RAP2A: variants seen among roughly 807,000 people sequenced by gnomAD.
The protein encoded by RAP2A is ras-related protein Rap-2a.
Under a neutral mutation model 15.1 loss-of-function variants are expected in RAP2A, and 5 were observed. That is an observed-to-expected ratio of 0.33 (90% CI 0.17 to 0.70). The LOEUF (loss-of-function observed/expected upper bound fraction) is 0.70, where lower values mean the gene tolerates loss of function less well. Ranked by LOEUF, RAP2A falls within the 30% of genes least tolerant of loss-of-function variation. The pLI, the probability that RAP2A is intolerant of heterozygous loss-of-function variation, is 0.68. For missense variants in RAP2A, 111 were observed against 240.3 expected, an observed-to-expected ratio of 0.46 and a Z score of 3.56; for synonymous variants, 110 against 99.7, an observed-to-expected ratio of 1.10 and a Z score of -0.62.
At chr13:97,462,081 ATT>A (rs1383644034) in intron 1 of RAP2A, among the ~76,000 whole-genome samples, 14 of 146,132 alleles carry the variant, frequency 9.6e-5, no homozygotes, top group South Asian at 6.4e-4. Flanking sequence ...TATTATATAT[ATT>A]GTATTTAAAC....
At chr13:97,442,669 C>G (rs2066662895) in intron 1 of RAP2A, among the ~76,000 whole-genome samples, 2 of 152,110 alleles carry the variant, frequency 1.3e-5, no homozygotes, top group South Asian at 4.2e-4. Context: ...CTTTTCATGA[C>G]CCACCAAATT....
chr13:97,459,455 C>T (rs1465644171), intron 1 of RAP2A, among the ~76,000 whole-genome samples: 1 of 152,198 alleles, frequency 6.6e-6, no homozygotes, highest in African/African-American at 2.4e-5. Flanking sequence ...TCTGAGGCCA[C>T]TTTTGGCACC....
intron 1 of RAP2A, among the ~76,000 whole-genome samples, chr13:97,458,555 A>G (rs2066733608): frequency 1.3e-5 from 2 of 152,176 alleles, no homozygotes; most frequent in African/African-American, 2.4e-5. Flanking sequence ...TTCAGAATCC[A>G]TCTTCAGAGC....
At chr13:97,434,903 G>C in intron 1 of RAP2A, 119 bp downstream of exon 1, 2 of 1,369,388 alleles carry the variant, frequency 1.5e-6, no homozygotes, top group Non-Finnish European at 2.0e-6. Context: ...CAAGCTGGAG[G>C]CTTTACTATT....
chr13:97,461,398 C>CAATT (rs10671555), intron 1 of RAP2A, among the ~76,000 whole-genome samples: 11,959 of 152,140 alleles, frequency 0.079, 1,073 homozygotes, highest in African/African-American at 0.22. Context: ...AGGCCACTGA[C>CAATT]AAGTTAGTGA....
At chr13:97,437,288 T>A (rs2066638163) in intron 1 of RAP2A, 2 of 152,192 alleles carry the variant, frequency 1.3e-5, no homozygotes, top group Admixed American at 1.3e-4. Flanking sequence ...ACATCTCAAT[T>A]CAAACAAGTC....
intron 1 of RAP2A, among the ~76,000 whole-genome samples, chr13:97,460,592 T>C (rs193107805): frequency 2.0e-5 from 3 of 152,292 alleles, no homozygotes; most frequent in African/African-American, 7.2e-5. Flanking sequence ...AGTCATCTAC[T>C]GTCAACACAG....
Position 97,466,018 on chromosome 13 carries a change from G to A in RAP2A, c.*1576G>A, listed in dbSNP as rs2066769525. The A allele has an allele frequency of 6.6e-6, 1 of 152,146 alleles. No individual in the cohort carries two copies. Among genetic ancestry groups the A allele is most frequent in the African/African-American group, 2.4e-5 (1 of 41,434 alleles). The allele number at this position is 152,146 out of a possible 1,614,324, so 9.4% of individuals were successfully genotyped here. ...CTGAGAGAAGAGTGTGTGTTTGTGT[G>A]TGCATGTGTGTTTATTGTTCCTAAG... On this transcript the variant is annotated 3_prime_UTR_variant, in exon 2 of 2. Coordinates refer to ENST00000245304, the MANE Select transcript of RAP2A (RefSeq NM_021033.7).
intron 1 of RAP2A, among the ~76,000 whole-genome samples, chr13:97,443,481 G>C (rs907273067): frequency 6.6e-6 from 1 of 152,108 alleles, no homozygotes; most frequent in African/African-American, 2.4e-5. Flanking sequence ...TCTAACTCCT[G>C]GGCTCAAGCA....
chr13:97,441,122 CTT>C (rs1222234164), intron 1 of RAP2A, among the ~76,000 whole-genome samples: 4 of 152,108 alleles, frequency 2.6e-5, no homozygotes, highest in Admixed American at 6.6e-5. Context: ...GATGATGTCT[CTT>C]CCTCTCTAAC....
intron 1 of RAP2A, among the ~76,000 whole-genome samples, chr13:97,445,249 C>T (rs187883505): frequency 6.6e-6 from 1 of 152,140 alleles, no homozygotes; most frequent in East Asian, 1.9e-4. Context: ...TTCTCCTTCC[C>T]TCAATGATCC....
intron 1 of RAP2A, among the ~76,000 whole-genome samples, chr13:97,443,342 G>C (rs921491411): frequency 6.6e-6 from 1 of 152,168 alleles, no homozygotes; most frequent in African/African-American, 2.4e-5. Flanking sequence ...ATGCATATTA[G>C]TATTTTCTCT....
At chr13:97,440,613 CAG>C (rs1251329108) in intron 1 of RAP2A, among the ~76,000 whole-genome samples, 2 of 151,998 alleles carry the variant, frequency 1.3e-5, no homozygotes, top group African/African-American at 4.8e-5. Context: ...TCGAAGAGCT[CAG>C]TGTTTTTCAT....
At chr13:97,444,446 A>G (rs1406738270) in intron 1 of RAP2A, among the ~76,000 whole-genome samples, 1 of 152,224 alleles carries the variant, frequency 6.6e-6, no homozygotes, top group African/African-American at 2.4e-5. Context: ...AACAGTCTTT[A>G]TGGCTAGTTA....
In RAP2A at chr13:97,468,092, A is replaced by C. The variant is rs953558704; in HGVS notation, c.*3650A>C. 3 of 152,228 alleles carry C rather than the reference A, an allele frequency of 2.0e-5. No individual in the cohort carries two copies. Among genetic ancestry groups the C allele is most frequent in the Non-Finnish European group, 4.4e-5 (3 of 68,040 alleles). 9.4% of individuals were successfully genotyped at this position (152,228 alleles called of 1,614,324 possible). The stretch of plus-strand genomic sequence containing the variant: ...TAATGAATTTAGTACTCTTCATACA[A>C]AAATATTTTAGCTGATTTGAGAGTT... On this transcript the variant is annotated 3_prime_UTR_variant, in exon 2 of 2. Transcript: ENST00000245304.
Position 97,464,655 on chromosome 13 carries a change from T to TTA in RAP2A, c.*215_*216dup, listed in dbSNP as rs1442340631. The TTA allele has an allele frequency of 3.5e-5, 20 of 579,234 alleles. No homozygotes were observed. Among genetic ancestry groups the TTA allele is most frequent in the African/African-American group, 2.8e-4 (15 of 53,742 alleles). 35.9% of individuals were successfully genotyped at this position (579,234 alleles called of 1,614,324 possible). On this transcript the variant is annotated 3_prime_UTR_variant, in exon 2 of 2. Transcript: ENST00000245304. ...TTTCACCATTTGTCCTCAGTCTCCT[T>TTA]TATGCATCTGCAACTTTAAGGCATA...
Position 97,469,023 on chromosome 13 carries a change from A to G in RAP2A, c.*4581A>G, listed in dbSNP as rs1251787206. 2 of 152,244 alleles carry G rather than the reference A, an allele frequency of 1.3e-5. No homozygotes were observed. The highest frequency in any genetic ancestry group is 2.9e-5 in the Non-Finnish European group (2 of 68,040). The allele number at this position is 152,244 out of a possible 1,614,324, so 9.4% of individuals were successfully genotyped here. On this transcript the variant is annotated 3_prime_UTR_variant, in exon 2 of 2. Transcript: ENST00000245304. ...TTAATTTAAAATATGTTGCCACATA[A>G]ATACTAATAAAACATAGTTGCTCTT...
intron 1 of RAP2A, among the ~76,000 whole-genome samples, chr13:97,454,408 T>G (rs1477429959): frequency 6.6e-6 from 1 of 151,252 alleles, no homozygotes; most frequent in African/African-American, 2.4e-5. Context: ...CTGCCTTCTT[T>G]CTGGTTATGT....
intron 1 of RAP2A, among the ~76,000 whole-genome samples, chr13:97,462,407 T>G (rs1391057304): frequency 1.3e-5 from 2 of 152,160 alleles, no homozygotes; most frequent in Non-Finnish European, 2.9e-5. Flanking sequence ...CAAGAGAGTT[T>G]ATATGCAAAG....
Sources: gnomAD v4.1 joint callset for allele counts (sites outside exome capture counted in the v4.1 genomes callset) on GRCh38, gnomAD v4.1.1 for gene constraint, MANE v1.5 for transcripts, NCBI Gene and HGNC (gene_info 2026-07-23, HGNC 2026-07-21) for gene names.